SLC36A4: variants seen among roughly 807,000 people sequenced by gnomAD.
SLC36A4 encodes solute carrier family 36 member 4, also known as neutral amino acid uniporter 4.
In SLC36A4, 49 loss-of-function variants were observed where a neutral mutation model predicts 50.5. The ratio of observed to expected loss-of-function variants is 0.97; its 90% CI spans 0.77 to 1.23. The LOEUF is 1.23. Ranked by LOEUF, SLC36A4 falls within the 50% of genes most tolerant of loss-of-function variation. The pLI is 0.00. For missense variants in SLC36A4, 611 were observed against 608.4 expected (o/e 1.00, Z -0.05); for synonymous variants, 207 against 206.5 (o/e 1.00, Z -0.02).
intron 2 of SLC36A4, 71 bp downstream of exon 2, chr11:93,185,620 G>A: frequency 7.4e-7 from 1 of 1,353,890 alleles, no homozygotes; most frequent in East Asian, 2.4e-5. Context: ...AGAATGTCTT[G>A]CCTGTAGAAG....
chr11:93,194,150 A>C (rs1862326345), intron 1 of SLC36A4, among the ~76,000 whole-genome samples: 1 of 152,110 alleles, frequency 6.6e-6, no homozygotes, highest in African/African-American at 2.4e-5. Context: ...AATGTGAGCA[A>C]GTTTACCAGA....
Position 93,167,953 on chromosome 11 carries a change from A to G in SLC36A4, c.759T>C (p.Tyr253=), listed in dbSNP as rs1860956619. The G allele has an allele frequency of 2.5e-6, 4 of 1,603,528 alleles. No individual in the cohort carries two copies. Among genetic ancestry groups the G allele is most frequent in the Non-Finnish European group, 3.4e-6 (4 of 1,175,450 alleles). Residue 253 remains tyrosine (Y), a synonymous_variant, in exon 7 of 11, where the codon TAT becomes TAC. Transcript: ENST00000326402. The stretch of plus-strand genomic sequence containing the variant: ...AACTTTTTATACTTACCCTGACAAC[A>G]TACTGGTAAATTATCACAAGACTGA... ...MAVSLVIIYQ[Y]VVRNMPDPHN... is the part of the protein sequence containing the mutation.
intron 10 of SLC36A4, among the ~76,000 whole-genome samples, chr11:93,149,363 C>A (rs922249273): frequency 1.3e-5 from 2 of 151,920 alleles, no homozygotes; most frequent in Non-Finnish European, 2.9e-5. Flanking sequence ...AATTAGTGGG[C>A]AAAAACTGGA....
intron 6 of SLC36A4, among the ~76,000 whole-genome samples, chr11:93,178,874 G>A (rs1040852220): frequency 5.3e-5 from 8 of 152,148 alleles, no homozygotes; most frequent in African/African-American, 9.7e-5. Flanking sequence ...AGAAATAAAG[G>A]GCATCCAAAT....
chr11:93,155,504 TTAA>T (rs1432902608), intron 9 of SLC36A4: 1 of 152,136 alleles, frequency 6.6e-6, no homozygotes, highest in Non-Finnish European at 1.5e-5. Context: ...ATAAATGTAC[TTAA>T]TATATAAGTA....
At position 93,168,161 on chromosome 11, in the gene SLC36A4, C is replaced by A; in HGVS notation, c.551G>T (p.Gly184Val). 1 of 1,600,078 alleles carries A rather than the reference C, an allele frequency of 6.2e-7. No individual in the cohort carries two copies. The highest frequency in any genetic ancestry group is 2.2e-5 in the East Asian group (1 of 44,674). Residue 184 changes from glycine (G) to valine (V), a missense_variant, in exon 7 of 11, where the codon GGA becomes GTA. Physicochemically the swap from Gly to Val is moderately radical, Grantham distance 109. Transcript: ENST00000326402. Reference protein sequence around the residue: ...LAENVKQVHEGFLESKVFISN... With the variant: ...LAENVKQVHEVFLESKVFISN... ...AATAAACACTTTACTCTCCAGGAAT[C>A]CTTCATGAACCTACATAGGATTACC...
At chr11:93,167,207 T>C (rs1860911914) in intron 7 of SLC36A4, 1 of 152,060 alleles carries the variant, frequency 6.6e-6, no homozygotes, top group South Asian at 2.1e-4. Flanking sequence ...CTAATGAAGA[T>C]TTTACAACAA....
chr11:93,181,747 G>T lies in SLC36A4; in HGVS notation c.399C>A (p.Ser133Arg), dbSNP rs1288824287. 1.3e-6 allele frequency: 2 copies of T among 1,550,054 alleles called. No individual in the cohort carries two copies. Among genetic ancestry groups the T allele is most frequent in the African/African-American group, 2.7e-5 (2 of 73,644 alleles). Residue 133 changes from serine to arginine, a missense_variant, in exon 5 of 11, where the codon AGC becomes AGA. By Grantham distance (110) the Ser-to-Arg change is moderately radical (BLOSUM62 -1). Transcript: ENST00000326402. ...KSTLGYSDTV[S>R]FAMEVSPWSC... ...TCCAAGGACTCACTTCCATAGCAAA[G>T]CTCACAGTGTCACTATAACCTAATG...
intron 1 of SLC36A4, among the ~76,000 whole-genome samples, chr11:93,189,119 ATGGTGCGATCT>A (rs1565239770): frequency 1.3e-5 from 2 of 151,350 alleles, no homozygotes; most frequent in Non-Finnish European, 1.5e-5. Flanking sequence ...CTGGAGTACA[ATGGTGCGATCT>A]TGGCTCACTG....
intron 1 of SLC36A4, among the ~76,000 whole-genome samples, chr11:93,188,122 T>C (rs1862068978): frequency 6.6e-6 from 1 of 152,180 alleles, no homozygotes; most frequent in Non-Finnish European, 1.5e-5. Context: ...ACAAAAATTT[T>C]CTGTTTTTAT....
intron 7 of SLC36A4, chr11:93,166,709 A>G (rs1373301607): frequency 6.6e-6 from 1 of 152,070 alleles, no homozygotes; most frequent in Non-Finnish European, 1.5e-5. Flanking sequence ...TACTCTTCTC[A>G]CCATCTTACA....
At chr11:93,196,523 C>G (rs370202280) in intron 1 of SLC36A4, among the ~76,000 whole-genome samples, 1 of 152,154 alleles carries the variant, frequency 6.6e-6, no homozygotes, top group African/African-American at 2.4e-5. Flanking sequence ...CCCGCCACCA[C>G]GCCCGGCTAA....
rs77579146 is a variant in SLC36A4, at chr11:93,167,740, C to A, written c.768+204G>T. On this transcript the variant is annotated intron_variant, in intron 7 of 10. Coordinates refer to ENST00000326402, the MANE Select transcript of SLC36A4 (RefSeq NM_152313.4). ...TTATTTACCAAGATTCAAGATCTGA[C>A]CACAAAGCCTGTTTAATCTCTATGT... 2.0e-4 allele frequency among the ~76,000 whole-genome samples: 31 copies of A among 152,172 alleles called. No homozygotes were observed. The Middle Eastern group carries it at 0.014, about 67-fold the overall frequency.
chr11:93,158,213 C>T (rs975570468), intron 9 of SLC36A4, among the ~76,000 whole-genome samples: 11 of 152,078 alleles, frequency 7.2e-5, no homozygotes, highest in African/African-American at 2.4e-4. Flanking sequence ...CTGAAAGACA[C>T]GTGTTTCCTA....
At chr11:93,161,437 T>C (rs1405463618) in intron 9 of SLC36A4, among the ~76,000 whole-genome samples, 1 of 152,230 alleles carries the variant, frequency 6.6e-6, no homozygotes, top group Non-Finnish European at 1.5e-5. Context: ...TTAGCTGAAG[T>C]TAAATTGTAA....
At chr11:93,160,337 T>A (rs912644782) in intron 9 of SLC36A4, 91 of 985,446 alleles carry the variant, frequency 9.2e-5, no homozygotes, top group Admixed American at 6.1e-4. Context: ...CAGATTTTTG[T>A]TGTTTCTTAG....
intron 1 of SLC36A4, among the ~76,000 whole-genome samples, chr11:93,192,555 C>T (rs1398665286): frequency 6.6e-6 from 1 of 151,600 alleles, no homozygotes; most frequent in East Asian, 1.9e-4. Context: ...AACTTTTTTA[C>T]AAAGAAAAAA....
chr11:93,174,929 C>T (rs1861382052), intron 6 of SLC36A4, among the ~76,000 whole-genome samples: 1 of 148,808 alleles, frequency 6.7e-6, no homozygotes, highest in South Asian at 2.2e-4. Context: ...GTGTCTCTGC[C>T]CGGCTTTGGT....
intron 7 of SLC36A4, chr11:93,167,258 T>G (rs563029713): frequency 6.6e-6 from 1 of 152,154 alleles, no homozygotes; most frequent in African/African-American, 2.4e-5. Flanking sequence ...AGATCAGGAG[T>G]GACTAGAACA....
Sources: gnomAD v4.1 joint callset for allele counts (sites outside exome capture counted in the v4.1 genomes callset) on GRCh38, gnomAD v4.1.1 for gene constraint, MANE v1.5 for transcripts, NCBI Gene and HGNC (gene_info 2026-07-23, HGNC 2026-07-21) for gene names.